PCDHA3: variants seen among roughly 807,000 people sequenced by gnomAD.
PCDHA3 encodes protocadherin alpha 3, also known as protocadherin alpha-3.
PCDHA3 carries 41 observed loss-of-function variants against 62.2 expected under a neutral mutation model. That is an observed-to-expected ratio of 0.66 (90% CI 0.51 to 0.86). The LOEUF (loss-of-function observed/expected upper bound fraction) is 0.86, where lower values mean the gene tolerates loss of function less well. Among genes scored for constraint, PCDHA3 ranks in the 40% least tolerant of loss-of-function variants. PCDHA3 has a pLI of 0.00. For missense variants in PCDHA3, 1,304 were observed against 1,241.2 expected (o/e 1.05, Z -0.76); for synonymous variants, 640 against 555.4 (o/e 1.15, Z -2.14).
intron 1 of PCDHA3, chr5:140,883,500 G>C (rs1562789727): frequency 6.2e-7 from 1 of 1,614,100 alleles, no homozygotes; most frequent in African/African-American, 1.3e-5. Flanking sequence ...GTGCTGGACA[G>C]CGCCCTGGAC....
chr5:140,823,383 G>A lies in PCDHA3; in HGVS notation c.2394+19792G>A, dbSNP rs201301158. On this transcript the variant is annotated intron_variant, in intron 1 of 3. Coordinates refer to ENST00000522353, the MANE Select transcript of PCDHA3 (RefSeq NM_018906.3). Reference sequence around the variant, plus strand: ...AGCTGCTGCAGTTCCAGGTGAGCGCGCGCGACGCGGGCGTGCCGCCTCTGG... The same window carrying A: ...AGCTGCTGCAGTTCCAGGTGAGCGCACGCGACGCGGGCGTGCCGCCTCTGG... 8.5e-5 allele frequency: 137 copies of A among 1,612,804 alleles called. 1 individual carries two copies. Among genetic ancestry groups the A allele is most frequent in the East Asian group, 8.9e-5 (4 of 44,864 alleles).
intron 1 of PCDHA3, among the ~76,000 whole-genome samples, chr5:140,881,880 C>G (rs1157311188): frequency 6.6e-6 from 1 of 152,210 alleles, no homozygotes; most frequent in Non-Finnish European, 1.5e-5. Flanking sequence ...AAATGAAACT[C>G]ATCAACCAAT....
At chr5:140,877,627 A>C (rs782765998) in intron 1 of PCDHA3, 1 of 1,613,614 alleles carries the variant, frequency 6.2e-7, no homozygotes, top group East Asian at 2.2e-5. Context: ...GCTGCTGTAC[A>C]CTGCGCTGCG....
intron 3 of PCDHA3, among the ~76,000 whole-genome samples, chr5:141,001,903 A>G (rs2098043091): frequency 6.6e-6 from 1 of 152,190 alleles, no homozygotes; most frequent in African/African-American, 2.4e-5. Flanking sequence ...GGGCTGTTTG[A>G]AAAAGACTGC....
At chr5:140,966,687 G>A in intron 1 of PCDHA3, 1 of 1,340,546 alleles carries the variant, frequency 7.5e-7, no homozygotes, top group East Asian at 2.9e-5. Flanking sequence ...ACGAGCGGAG[G>A]CGGGGCCCGG....
At chr5:140,897,222 G>A (rs2065939417) in intron 1 of PCDHA3, among the ~76,000 whole-genome samples, 1 of 151,978 alleles carries the variant, frequency 6.6e-6, no homozygotes, top group Non-Finnish European at 1.5e-5. Context: ...TAGGGTACAT[G>A]TGCACAATGT....
intron 1 of PCDHA3, among the ~76,000 whole-genome samples, chr5:140,961,560 AT>A (rs1223583703): frequency 1.4e-4 from 22 of 152,140 alleles, no homozygotes; most frequent in African/African-American, 4.6e-4. Flanking sequence ...CTTTTTTTAA[AT>A]TTTGTTTTGA....
chr5:140,875,159 C>T (rs60784460), intron 1 of PCDHA3: 4,491 of 336,216 alleles, frequency 0.013, 178 homozygotes, highest in African/African-American at 0.087. Flanking sequence ...TGAAAAATAA[C>T]CCAAAGTCGA....
chr5:140,820,407 A>C (rs1766747622), intron 1 of PCDHA3, among the ~76,000 whole-genome samples: 1 of 152,024 alleles, frequency 6.6e-6, no homozygotes, highest in Non-Finnish European at 1.5e-5. Context: ...CTATATTTTA[A>C]ATGTAAAAGT....
intron 1 of PCDHA3, chr5:140,806,954 G>A: frequency 3.4e-6 from 2 of 592,246 alleles, no homozygotes; most frequent in African/African-American, 1.9e-5. Flanking sequence ...GTGTGTGGGG[G>A]TTTCCACAAT....
chr5:140,897,923 G>A (rs371929339), intron 1 of PCDHA3, among the ~76,000 whole-genome samples: 11 of 152,078 alleles, frequency 7.2e-5, no homozygotes, highest in East Asian at 5.8e-4. Flanking sequence ...TTTGATTTGC[G>A]TTTCTCTGAT....
Position 140,968,974 on chromosome 5 carries a change from G to A in PCDHA3, c.2395-9975G>A, listed in dbSNP as rs17119326. 3.9e-3 allele frequency: 6,227 copies of A among 1,614,174 alleles called. 151 individuals carry two copies. The African/African-American group carries it at 0.06, about 16-fold the overall frequency. On this transcript the variant is annotated intron_variant, in intron 1 of 3. Coordinates refer to ENST00000522353, the MANE Select transcript of PCDHA3 (RefSeq NM_018906.3). Reference sequence around the variant, plus strand: ...TCATCAAGTGCTACCGCTACACTGCGTATGGCACTGCATGCTGTGGAGGCT... The same window carrying A: ...TCATCAAGTGCTACCGCTACACTGCATATGGCACTGCATGCTGTGGAGGCT...
chr5:140,835,834 C>G, intron 1 of PCDHA3: 2 of 1,612,284 alleles, frequency 1.2e-6, no homozygotes, highest in Non-Finnish European at 1.7e-6. Flanking sequence ...GACGCGGACG[C>G]GCAGAAGAAC....
chr5:140,895,174 A>T (rs1554186407), intron 1 of PCDHA3, among the ~76,000 whole-genome samples: 2 of 152,150 alleles, frequency 1.3e-5, no homozygotes, highest in African/African-American at 4.8e-5. Context: ...ATCTATTTGT[A>T]GTCCCTTCTG....
Position 140,873,289 on chromosome 5 carries a change from C to T in PCDHA3, c.2394+69698C>T, listed in dbSNP as rs542998877. On this transcript the variant is annotated intron_variant, in intron 1 of 3. Transcript: ENST00000522353. ...TTAAACCATCATACCACTTATGAAA[C>T]TTTATAAATATAATAAAGGTGAATA... Among the ~76,000 whole-genome samples, 19 of 152,188 alleles carry T rather than the reference C, an allele frequency of 1.2e-4. No homozygotes were observed. In the South Asian group the frequency reaches 3.7e-3, roughly 30 times the overall value.
At chr5:140,851,276 T>C in intron 1 of PCDHA3, 3 of 1,056,768 alleles carry the variant, frequency 2.8e-6, no homozygotes, top group Non-Finnish European at 3.5e-6. Context: ...TTGTATTGTT[T>C]ATAAGAAACC....
chr5:140,971,928 T>C (rs1318885872), intron 1 of PCDHA3, among the ~76,000 whole-genome samples: 1 of 152,186 alleles, frequency 6.6e-6, no homozygotes, highest in Non-Finnish European at 1.5e-5. Flanking sequence ...GCTAGTGTTA[T>C]TTTAAGTTGT....
chr5:140,804,892 C>T, intron 1 of PCDHA3: 1 of 688,698 alleles, frequency 1.5e-6, no homozygotes, highest in Non-Finnish European at 2.2e-6. Context: ...CTCTCCTTCC[C>T]CTCACTTCCA....
chr5:140,835,695 A>C (rs2150242144), intron 1 of PCDHA3: 1 of 1,613,830 alleles, frequency 6.2e-7, no homozygotes. Flanking sequence ...TCTGTGGGCC[A>C]CTGCTAGCGT....
Sources: gnomAD v4.1 joint callset for allele counts (sites outside exome capture counted in the v4.1 genomes callset) on GRCh38, gnomAD v4.1.1 for gene constraint, MANE v1.5 for transcripts, NCBI Gene and HGNC (gene_info 2026-07-23, HGNC 2026-07-21) for gene names.